Variants in RSBN1L observed in about 807,000 individuals in gnomAD.
RSBN1L encodes round spermatid basic protein 1 like.
In RSBN1L, 30 loss-of-function variants were observed where a neutral mutation model predicts 67.7. That is an observed-to-expected ratio of 0.44 (90% CI 0.33 to 0.60). RSBN1L has a LOEUF of 0.60. RSBN1L is among the 20% of genes least tolerant of loss of function. The probability of loss-of-function intolerance (pLI) is 0.02; values close to 1 mark genes in which losing one functional copy is unlikely to be tolerated. For missense variants in RSBN1L, 992 were observed against 1,031.7 expected, an observed-to-expected ratio of 0.96 and a Z score of 0.53; for synonymous variants, 433 against 387.0, an observed-to-expected ratio of 1.12 and a Z score of -1.39.
intron 1 of RSBN1L, among the ~76,000 whole-genome samples, chr7:77,729,355 G>C (rs747114668): frequency 8.5e-5 from 13 of 152,150 alleles, no homozygotes; most frequent in Admixed American, 6.5e-4. Context: ...GTCCACTACT[G>C]ACTCACCTTG....
intron 5 of RSBN1L, among the ~76,000 whole-genome samples, chr7:77,771,979 C>T (rs1240814268): frequency 1.3e-5 from 2 of 152,060 alleles, no homozygotes; most frequent in Non-Finnish European, 2.9e-5. Flanking sequence ...GTATACAACC[C>T]ATGGTATATA....
chr7:77,716,788 C>T (rs1332106341), intron 1 of RSBN1L, among the ~76,000 whole-genome samples: 6 of 151,572 alleles, frequency 4.0e-5, no homozygotes, highest in Admixed American at 6.6e-5. Flanking sequence ...TGCACCACCA[C>T]GCCAGGCTAT....
intron 4 of RSBN1L, among the ~76,000 whole-genome samples, chr7:77,766,237 G>C (rs1387415936): frequency 6.6e-6 from 1 of 152,326 alleles, no homozygotes; most frequent in East Asian, 1.9e-4. Flanking sequence ...TCTCTGCCCA[G>C]GCTGGAGTGT....
At chr7:77,759,273 A>AT (rs1791665437) in intron 3 of RSBN1L, among the ~76,000 whole-genome samples, 1 of 152,190 alleles carries the variant, frequency 6.6e-6, no homozygotes, top group Non-Finnish European at 1.5e-5. Context: ...AATACTTAAG[A>AT]ACTGATCTAT....
chr7:77,696,655 C>T lies in RSBN1L; in HGVS notation c.186C>T (p.Ser62=), dbSNP rs1790730960. 1.2e-6 allele frequency: 2 copies of T among 1,612,374 alleles called. No individual in the cohort carries two copies. The highest frequency in any genetic ancestry group is 1.7e-6 in the Non-Finnish European group (2 of 1,179,534). ...APRRVNGEGG[S]GGNSRQLQPP... is the part of the protein sequence containing the mutation. ...GGAGAGTGAACGGAGAAGGGGGCAGCGGCGGGAACAGCAGGCAGCTGCAGC... is the reference window on the plus strand; with the variant it reads ...GGAGAGTGAACGGAGAAGGGGGCAGTGGCGGGAACAGCAGGCAGCTGCAGC... The change falls in exon 1 of 8, where the codon AGC becomes AGT. Residue 62 remains serine, a synonymous_variant. Transcript: ENST00000334955.
intron 1 of RSBN1L, among the ~76,000 whole-genome samples, chr7:77,723,094 G>A (rs1791141788): frequency 6.6e-6 from 1 of 151,442 alleles, no homozygotes; most frequent in Non-Finnish European, 1.5e-5. Context: ...AGCCTTCCGA[G>A]TAGCTGGGAT....
chr7:77,750,143 A>C, intron 3 of RSBN1L, 79 bp downstream of exon 3: 1 of 820,310 alleles, frequency 1.2e-6, no homozygotes, highest in Non-Finnish European at 1.7e-6. Context: ...TCCTAATTAT[A>C]GGGCTGAAAT....
intron 1 of RSBN1L, among the ~76,000 whole-genome samples, chr7:77,703,950 G>A (rs11764879): frequency 0.23 from 35,258 of 152,018 alleles, 4,418 homozygotes; most frequent in South Asian, 0.28. Flanking sequence ...ACCACGCCCC[G>A]ATACACTTAC....
intron 1 of RSBN1L, among the ~76,000 whole-genome samples, chr7:77,725,243 AC>A (rs1336736869): frequency 2.4e-4 from 14 of 57,918 alleles, no homozygotes; most frequent in African/African-American, 1.2e-3. Flanking sequence ...TAAGCCCCCC[AC>A]TTTTTTTTTT....
At position 77,779,349 on chromosome 7, in the gene RSBN1L, G is replaced by A; in HGVS notation, c.*181G>A. 2.0e-6 allele frequency: 1 copy of A among 509,934 alleles called. No individual in the cohort carries two copies. Among genetic ancestry groups the A allele is most frequent in the Non-Finnish European group, 3.5e-6 (1 of 286,060 alleles). 31.6% of individuals were successfully genotyped at this position (509,934 alleles called of 1,614,324 possible). A position where few individuals can be genotyped will look rare whatever the true frequency, so the allele number is the denominator to read the frequency against. ...AAGTATTAAGCACTTAGGGCCAGAT[G>A]CACTGTAAACATTGCAGGTTTAAAC... On this transcript the variant is annotated 3_prime_UTR_variant, in exon 8 of 8. Coordinates refer to ENST00000334955, the MANE Select transcript of RSBN1L (RefSeq NM_198467.3).
intron 1 of RSBN1L, among the ~76,000 whole-genome samples, chr7:77,721,300 T>G (rs1791116486): frequency 6.6e-6 from 1 of 152,298 alleles, no homozygotes; most frequent in African/African-American, 2.4e-5. Context: ...GTAATTTCCT[T>G]CTTTTTACTT....
In RSBN1L at chr7:77,780,248, A is replaced by G. The variant is rs1309559078; in HGVS notation, c.*1080A>G. The G allele has an allele frequency of 1.3e-5, 2 of 152,154 alleles. No homozygotes were observed. Among genetic ancestry groups the G allele is most frequent in the African/African-American group, 4.8e-5 (2 of 41,444 alleles). The allele number at this position is 152,154 out of a possible 1,614,324, so 9.4% of individuals were successfully genotyped here. A position where few individuals can be genotyped will look rare whatever the true frequency, so the allele number is the denominator to read the frequency against. On this transcript the variant is annotated 3_prime_UTR_variant, in exon 8 of 8. Coordinates refer to ENST00000334955, the MANE Select transcript of RSBN1L (RefSeq NM_198467.3). ...TTGCATAATTTTCTTAAATTGCTGAATAAGATCAATATGTGAAATTCCTTA... is the reference window on the plus strand; with the variant it reads ...TTGCATAATTTTCTTAAATTGCTGAGTAAGATCAATATGTGAAATTCCTTA...
intron 1 of RSBN1L, among the ~76,000 whole-genome samples, chr7:77,703,654 AATTTTTGT>A (rs1480751809): frequency 2.0e-5 from 3 of 151,578 alleles, no homozygotes; most frequent in Non-Finnish European, 4.4e-5. Flanking sequence ...ATGCCCAGCT[AATTTTTGT>A]ATTTTTGTAG....
rs543372918 is a variant in RSBN1L at position 77,696,793 on chromosome 7, T to C, written c.324T>C (p.Ala108=). ...CTCGGAGCAGTTTCTCTTTCTCCGC[T>C]GGCACGGCCGTTCCCTCCTCAGCCT... ...SSSRSSFSFS[A]GTAVPSSASA... is the part of the protein sequence containing the mutation. The change falls in exon 1 of 8, where the codon GCT becomes GCC. Residue 108 remains alanine, a synonymous_variant. Coordinates refer to ENST00000334955, the MANE Select transcript of RSBN1L (RefSeq NM_198467.3). 44 of 1,613,760 alleles carry C rather than the reference T, an allele frequency of 2.7e-5. No individual in the cohort carries two copies. The South Asian group carries it at 3.3e-4, about 12-fold the overall frequency.
intron 1 of RSBN1L, among the ~76,000 whole-genome samples, chr7:77,706,760 A>G (rs1359293325): frequency 6.6e-6 from 1 of 152,162 alleles, no homozygotes; most frequent in Non-Finnish European, 1.5e-5. Context: ...TGAATTCTTA[A>G]TTCACCATAG....
intron 3 of RSBN1L, among the ~76,000 whole-genome samples, chr7:77,758,349 T>G (rs1303549289): frequency 1.3e-5 from 2 of 152,134 alleles, no homozygotes; most frequent in Non-Finnish European, 2.9e-5. Context: ...ATCCTTTAAA[T>G]TTTTAATATT....
chr7:77,767,365 C>G (rs1413578098), intron 4 of RSBN1L, among the ~76,000 whole-genome samples: 2 of 151,234 alleles, frequency 1.3e-5, no homozygotes, highest in African/African-American at 2.4e-5. Context: ...CTCTCTCTGT[C>G]TTTTTTTGTT....
chr7:77,769,709 A>G (rs144938903), intron 5 of RSBN1L, among the ~76,000 whole-genome samples: 1 of 152,360 alleles, frequency 6.6e-6, no homozygotes, highest in Non-Finnish European at 1.5e-5. Flanking sequence ...TCTCAAGTGT[A>G]AACAACCCAG....
intron 2 of RSBN1L, among the ~76,000 whole-genome samples, chr7:77,744,524 T>A (rs1417625316): frequency 6.6e-6 from 1 of 151,998 alleles, no homozygotes; most frequent in Non-Finnish European, 1.5e-5. Context: ...TCACCCAGTT[T>A]GGAGTGCGGT....
Sources: allele counts gnomAD v4.1 joint callset (sites outside exome capture counted in the v4.1 genomes callset), GRCh38; gene constraint gnomAD v4.1.1; transcripts MANE v1.5; gene names NCBI Gene and HGNC (gene_info 2026-07-23, HGNC 2026-07-21).